PRKCB: variants seen among roughly 807,000 people sequenced by gnomAD.
PRKCB encodes protein kinase C beta, also known as protein kinase C beta type.
Under a neutral mutation model 81.5 loss-of-function variants are expected in PRKCB, and 13 were observed. The observed-to-expected ratio is 0.16, with a 90% CI of 0.10 to 0.25. PRKCB has a LOEUF of 0.25. Among genes scored for constraint, PRKCB ranks in the 10% least tolerant of loss-of-function variants. PRKCB has a pLI of 1.00. For synonymous variants in PRKCB, 335 were observed against 321.4 expected (o/e 1.04, Z -0.45); for missense variants, 509 against 875.7 (o/e 0.58, Z 5.29).
At chr16:24,115,393 A>T (rs1241927816) in intron 8 of PRKCB, among the ~76,000 whole-genome samples, 1 of 110,648 alleles carries the variant, frequency 9.0e-6, no homozygotes, top group Admixed American at 8.5e-5. Context: ...AAGAATATTT[A>T]TCCCAAGGAT....
intron 2 of PRKCB, among the ~76,000 whole-genome samples, chr16:23,849,329 G>A (rs2141081085): frequency 6.6e-6 from 1 of 152,334 alleles, no homozygotes; most frequent in East Asian, 1.9e-4. Context: ...TGTAGGTGAA[G>A]GTGGAGGGTG....
At chr16:23,907,856 C>T (rs1028235867) in intron 2 of PRKCB, among the ~76,000 whole-genome samples, 1 of 152,180 alleles carries the variant, frequency 6.6e-6, no homozygotes, top group Admixed American at 6.5e-5. Context: ...CTAACCACAC[C>T]CCCAGACAAC....
chr16:24,181,234 G>A (rs755852464), intron 13 of PRKCB, among the ~76,000 whole-genome samples: 13 of 152,102 alleles, frequency 8.5e-5, no homozygotes, highest in African/African-American at 1.7e-4. Flanking sequence ...ATGTGATACC[G>A]CCTAATTATG....
At chr16:24,027,986 T>G (rs1020589493) in intron 3 of PRKCB, among the ~76,000 whole-genome samples, 15 of 152,146 alleles carry the variant, frequency 9.9e-5, no homozygotes, top group African/African-American at 3.6e-4. Context: ...CCTAGGCTGA[T>G]CTCAAACTCC....
chr16:23,921,460 T>A (rs1963823544), intron 2 of PRKCB, among the ~76,000 whole-genome samples: 1 of 152,142 alleles, frequency 6.6e-6, no homozygotes, highest in Non-Finnish European at 1.5e-5. Flanking sequence ...AGCCTGATCG[T>A]TATAAACTAT....
intron 2 of PRKCB, among the ~76,000 whole-genome samples, chr16:23,885,552 C>T (rs1304595435): frequency 1.3e-5 from 2 of 152,160 alleles, no homozygotes; most frequent in African/African-American, 2.4e-5. Context: ...AGTGATCTAC[C>T]TGCCTTGGCC....
chr16:24,190,286 T>C (rs1409586146), intron 15 of PRKCB, among the ~76,000 whole-genome samples: 1 of 152,320 alleles, frequency 6.6e-6, no homozygotes, highest in Admixed American at 6.5e-5. Flanking sequence ...GTTTTGTCAT[T>C]TTTGCAAGTG....
At chr16:24,122,815 G>A (rs866491860) in intron 8 of PRKCB, among the ~76,000 whole-genome samples, 3 of 152,054 alleles carry the variant, frequency 2.0e-5, no homozygotes, top group Non-Finnish European at 4.4e-5. Context: ...ATCCAGTAAC[G>A]AAGTCCTGGC....
At chr16:24,156,654 C>T (rs1317618583) in intron 10 of PRKCB, among the ~76,000 whole-genome samples, 1 of 152,182 alleles carries the variant, frequency 6.6e-6, no homozygotes, top group African/African-American at 2.4e-5. Flanking sequence ...TGATAATTTA[C>T]ATCATGCAAT....
chr16:24,094,893 GA>G (rs1966421380), intron 7 of PRKCB, among the ~76,000 whole-genome samples: 1 of 150,258 alleles, frequency 6.7e-6, no homozygotes, highest in Non-Finnish European at 1.5e-5. Context: ...AAGAAAGAAA[GA>G]AGAAAGAAAG....
rs77599515 is a variant in PRKCB at position 23,931,786 on chromosome 16, G to C, written c.206-56722G>C. Among the ~76,000 whole-genome samples, 1,078 of 152,272 alleles carry C rather than the reference G, an allele frequency of 7.1e-3. 45 individuals carry two copies. The East Asian group carries it at 0.11, about 16-fold the overall frequency. On this transcript the variant is annotated intron_variant, in intron 2 of 16. Transcript: ENST00000643927. ...AGTTCCTATAAAGACAGTTTGTATA[G>C]ATCCTTTTAGGATGACTTGAAAGCC...
At chr16:23,929,766 T>G (rs1456392378) in intron 2 of PRKCB, among the ~76,000 whole-genome samples, 1 of 152,058 alleles carries the variant, frequency 6.6e-6, no homozygotes, top group Non-Finnish European at 1.5e-5. Context: ...TTTTCTTGTC[T>G]GGAAAAATAC....
intron 7 of PRKCB, among the ~76,000 whole-genome samples, chr16:24,096,613 C>T (rs1351078714): frequency 7.0e-6 from 1 of 143,032 alleles, no homozygotes; most frequent in African/African-American, 2.6e-5. Flanking sequence ...TGCTGTGTCT[C>T]CTTTGTCCTG....
intron 15 of PRKCB, among the ~76,000 whole-genome samples, chr16:24,187,005 A>C (rs1207289681): frequency 1.3e-5 from 2 of 152,168 alleles, no homozygotes; most frequent in African/African-American, 2.4e-5. Flanking sequence ...AGCAAAGCCC[A>C]TAAAGAAAAA....
At chr16:24,141,302 C>A (rs1022648241) in intron 9 of PRKCB, among the ~76,000 whole-genome samples, 1 of 152,160 alleles carries the variant, frequency 6.6e-6, no homozygotes, top group African/African-American at 2.4e-5. Context: ...TCAAGTGATT[C>A]TCCTGCCTCA....
intron 3 of PRKCB, among the ~76,000 whole-genome samples, chr16:24,031,183 A>G (rs900483515): frequency 2.0e-5 from 3 of 152,228 alleles, no homozygotes; most frequent in Non-Finnish European, 4.4e-5. Flanking sequence ...CAGGCTATCA[A>G]GGGCATATTT....
intron 2 of PRKCB, among the ~76,000 whole-genome samples, chr16:23,915,823 TA>T (rs1200396317): frequency 6.9e-6 from 1 of 144,348 alleles, no homozygotes; most frequent in Non-Finnish European, 1.5e-5. Flanking sequence ...GAGAAGAAAA[TA>T]AAAATCACCT....
At chr16:23,908,426 G>A (rs768030874) in intron 2 of PRKCB, among the ~76,000 whole-genome samples, 7 of 152,146 alleles carry the variant, frequency 4.6e-5, no homozygotes, top group Admixed American at 6.5e-5. Context: ...CCACCTGAGC[G>A]TCCTCCCCAG....
At chr16:23,840,143 C>T (rs551546755) in intron 2 of PRKCB, among the ~76,000 whole-genome samples, 5 of 152,264 alleles carry the variant, frequency 3.3e-5, no homozygotes, top group Non-Finnish European at 7.4e-5. Context: ...CTCAGCATTG[C>T]CTGGGACTAA....
Sources: gnomAD v4.1 joint callset for allele counts (sites outside exome capture counted in the v4.1 genomes callset) on GRCh38, gnomAD v4.1.1 for gene constraint, MANE v1.5 for transcripts, NCBI Gene and HGNC (gene_info 2026-07-23, HGNC 2026-07-21) for gene names.